The following ISOC2 variants were observed in gnomAD, a reference collection of about 807,000 sequenced individuals.
ISOC2 encodes the protein isochorismatase domain-containing protein 2.
ISOC2 carries 15 observed loss-of-function variants against 19.3 expected under a neutral mutation model. The observed-to-expected ratio is 0.78, with a 90% confidence interval of 0.52 to 1.20. The LOEUF is 1.20. Ranked by LOEUF, ISOC2 falls within the 50% of genes most tolerant of loss-of-function variation. The probability of loss-of-function intolerance (pLI) is 0.00; values close to 1 mark genes in which losing one functional copy is unlikely to be tolerated. For missense variants in ISOC2, 285 were observed against 272.4 expected, an observed-to-expected ratio of 1.05 and a Z score of -0.33; for synonymous variants, 106 against 115.8, an observed-to-expected ratio of 0.92 and a Z score of 0.54.
Position 55,453,179 on chromosome 19 carries a change from G to GCCCCCC in ISOC2, c.*123_*128dup, listed in dbSNP as rs3214450. ...CTGTCCAATGGGAAGGCAGCACCCTGCCCCCCCCACAAGGGGGCGGCACTC... is the reference window on the plus strand; with the variant it reads ...CTGTCCAATGGGAAGGCAGCACCCTGCCCCCCCCCCCCCCACAAGGGGGCGGCACTC... On this transcript the variant is annotated 3_prime_UTR_variant, in exon 6 of 6. Transcript: ENST00000425675. The GCCCCCC allele has an allele frequency of 1.9e-4, 104 of 539,556 alleles. No homozygotes were observed. The highest frequency in any genetic ancestry group is 2.7e-4 in the Non-Finnish European group (85 of 309,358). 33.4% of individuals were successfully genotyped at this position (539,556 alleles called of 1,614,324 possible).
chr19:55,455,242 A>G lies in ISOC2; in HGVS notation c.419+18T>C, dbSNP rs1193524654. ...TGATGGCCCCCACGTGCACCCACCCAGGCAGGGGCCCTCTCACCTGCGTGA... is the reference window on the plus strand; with the variant it reads ...TGATGGCCCCCACGTGCACCCACCCGGGCAGGGGCCCTCTCACCTGCGTGA... On this transcript the variant is annotated intron_variant, in intron 4 of 5. Coordinates refer to ENST00000425675, the MANE Select transcript of ISOC2 (RefSeq NM_001136201.2). 2.5e-6 allele frequency: 4 copies of G among 1,601,984 alleles called. No homozygotes were observed. In the African/African-American group the frequency reaches 5.4e-5, roughly 21 times the overall value.
chr19:55,453,698 T>C (rs1985948647), intron 5 of ISOC2: 3 of 206,650 alleles, frequency 1.5e-5, no homozygotes, highest in Non-Finnish European at 2.9e-5. Context: ...CCCATCCCTC[T>C]TCTGGGCCCT....
intron 1 of ISOC2, 44 bp from the exon 2 acceptor site, chr19:55,456,533 T>C (rs548397217): frequency 6.2e-7 from 1 of 1,602,688 alleles, no homozygotes; most frequent in Admixed American, 1.7e-5. Flanking sequence ...CGAGGGCTCC[T>C]CTCAGTGTCT....
At chr19:55,458,950 G>A (rs1986154171) in intron 1 of ISOC2, among the ~76,000 whole-genome samples, 1 of 151,554 alleles carries the variant, frequency 6.6e-6, no homozygotes, top group Non-Finnish European at 1.5e-5. Context: ...TTTTCTTTTT[G>A]AGACAGGGTC....
rs1375808897 is a variant in ISOC2, at chr19:55,456,489, T to C, written c.-3A>G. 5 of 1,613,572 alleles carry C rather than the reference T, an allele frequency of 3.1e-6. No homozygotes were observed. The highest frequency in any genetic ancestry group is 4.2e-6 in the Non-Finnish European group (5 of 1,179,726). ...AGGCTGGGCCTGGCAGCCGCCATTT[T>C]CTGGGGGTGGGCAGAGGGACGGTGG... On this transcript the variant is annotated splice_region_variant and 5_prime_UTR_variant, in exon 2 of 6. Transcript: ENST00000425675.
chr19:55,454,775 CCT>C (rs933500521), intron 5 of ISOC2: 24 of 523,780 alleles, frequency 4.6e-5, no homozygotes, highest in Admixed American at 1.5e-4. Context: ...CTCTGGATTG[CCT>C]CCCCCATTTT....
intron 2 of ISOC2, 189 bp from the exon 3 acceptor site, chr19:55,456,034 G>A (rs922539801): frequency 3.3e-6 from 2 of 601,746 alleles, no homozygotes; most frequent in African/African-American, 1.9e-5. Flanking sequence ...GGGAGGAGGA[G>A]CTGGGCCTGG....
In ISOC2 at chr19:55,453,128, A is replaced by G; in HGVS notation, c.*180T>C. ...AGCCAATTCCCACCCAGTTTCCAGG[A>G]GTCTCATTTGCATTTCCGGGAGCAG... On this transcript the variant is annotated 3_prime_UTR_variant, in exon 6 of 6. Transcript: ENST00000425675. 2 of 520,508 alleles carry G rather than the reference A, an allele frequency of 3.8e-6. No homozygotes were observed. Among genetic ancestry groups the G allele is most frequent in the Non-Finnish European group, 6.9e-6 (2 of 291,478 alleles). The allele number at this position is 520,508 out of a possible 1,614,324, so 32.2% of individuals were successfully genotyped here. A position where few individuals can be genotyped will look rare whatever the true frequency, so the allele number is the denominator to read the frequency against.
intron 2 of ISOC2, 24 bp from the exon 3 acceptor site, chr19:55,455,869 G>GGTCA: frequency 7.4e-7 from 1 of 1,356,678 alleles, no homozygotes; most frequent in Non-Finnish European, 9.7e-7. Context: ...GGGGAAGAAA[G>GGTCA]GTCAGGGTCT....
At chr19:55,461,187 C>A (rs1172664844) in intron 1 of ISOC2, among the ~76,000 whole-genome samples, 1 of 149,920 alleles carries the variant, frequency 6.7e-6, no homozygotes, top group Admixed American at 6.6e-5. Context: ...CGTTGATTTC[C>A]CCACCCGGTC....
At position 55,454,912 on chromosome 19, in the gene ISOC2, C is replaced by A. The variant is rs186626286; in HGVS notation, c.537+77G>T. 4.3e-5 allele frequency: 48 copies of A among 1,113,846 alleles called. No individual in the cohort carries two copies. The East Asian group carries it at 1.1e-3, about 25-fold the overall frequency. 69.0% of individuals were successfully genotyped at this position (1,113,846 alleles called of 1,614,324 possible). A position where few individuals can be genotyped will look rare whatever the true frequency, so the allele number is the denominator to read the frequency against. On this transcript the variant is annotated intron_variant, in intron 5 of 5. Coordinates refer to ENST00000425675, the MANE Select transcript of ISOC2 (RefSeq NM_001136201.2). ...CCTGGAGGCGGCAGCCTGCTGGTGC[C>A]GAGATGTATTCTCAGAGCCCAAAGA...
rs375044372 is a variant in ISOC2, at chr19:55,455,010, G to A, written c.516C>T (p.Ala172=). The change falls in exon 5 of 6, where the codon GCC becomes GCT. Residue 172 remains alanine (A), a synonymous_variant. Transcript: ENST00000425675. ...EGLILQLVGD[A]VHPQFKEIQK... ...TTACCTCCTTGAACTGGGGGTGGAC[G>A]GCATCGCCCACAAGCTGCAGAATGA... is the stretch of plus-strand genomic sequence containing the variant. 6.8e-5 allele frequency: 110 copies of A among 1,613,230 alleles called. No individual in the cohort carries two copies. The highest frequency in any genetic ancestry group is 8.7e-5 in the Non-Finnish European group (103 of 1,179,786).
In ISOC2 at chr19:55,455,826, A is replaced by G; in HGVS notation, c.158T>C (p.Val53Ala). ...RMLKVARLLEVPVMLTEQYPQ... is the reference protein window; with the variant it reads ...RMLKVARLLEAPVMLTEQYPQ... The stretch of plus-strand genomic sequence containing the variant: ...GTACTGCTCCGTCAGCATGACTGGC[A>G]CCTCAAGCAGCCGGGCCACCTGTGC... The change falls in exon 3 of 6, where the codon GTG becomes GCG. Residue 53 changes from valine (V) to alanine (A), a missense_variant. Physicochemically the swap from Val to Ala is moderately conservative, Grantham distance 64 (BLOSUM62 0). Coordinates refer to ENST00000425675, the MANE Select transcript of ISOC2 (RefSeq NM_001136201.2). 1 of 1,539,248 alleles carries G rather than the reference A, an allele frequency of 6.5e-7. No individual in the cohort carries two copies. The highest frequency in any genetic ancestry group is 8.8e-7 in the Non-Finnish European group (1 of 1,139,880).
At chr19:55,456,055 C>T in intron 2 of ISOC2, 1 of 588,116 alleles carries the variant, frequency 1.7e-6, no homozygotes, top group Non-Finnish European at 3.0e-6. Flanking sequence ...ACTCCTGCGT[C>T]TGAGGGAAGA....
chr19:55,457,572 T>C (rs1041312654), intron 1 of ISOC2, among the ~76,000 whole-genome samples: 1 of 151,560 alleles, frequency 6.6e-6, no homozygotes, highest in African/African-American at 2.4e-5. Context: ...CACACGCCTG[T>C]AATCCCAGGA....
At position 55,455,051 on chromosome 19, in the gene ISOC2, A is replaced by G. The variant is rs756538536; in HGVS notation, c.475T>C (p.Ser159Pro). 6.2e-7 allele frequency: 1 copy of G among 1,605,216 alleles called. No individual in the cohort carries two copies. Among genetic ancestry groups the G allele is most frequent in the African/African-American group, 1.3e-5 (1 of 74,206 alleles). ...TGCAGAATGAGCCCTTCGCTGGTGG[A>G]GAGGAAGGCACCACTCTGTCTCATG... ...ARMRQSGAFL[S>P]TSEGLILQLV... The change falls in exon 5 of 6, where the codon TCC (serine) becomes CCC (proline). Residue 159 changes from serine to proline, a missense_variant. Physicochemically the swap from Ser to Pro is moderately conservative, Grantham distance 74. Coordinates refer to ENST00000425675, the MANE Select transcript of ISOC2 (RefSeq NM_001136201.2).
At chr19:55,458,765 A>AT (rs1986147225) in intron 1 of ISOC2, among the ~76,000 whole-genome samples, 1 of 151,458 alleles carries the variant, frequency 6.6e-6, no homozygotes, top group South Asian at 2.1e-4. Context: ...TGACCTCGTG[A>AT]TCCACCCGCC....
intron 1 of ISOC2, among the ~76,000 whole-genome samples, chr19:55,457,831 C>CA (rs58948220): frequency 0.53 from 64,941 of 122,148 alleles, 17,809 homozygotes; most frequent in African/African-American, 0.73. Flanking sequence ...AACTCCATCT[C>CA]AAAAAAAAAA....
chr19:55,457,581 G>A (rs1403717061), intron 1 of ISOC2, among the ~76,000 whole-genome samples: 1 of 148,656 alleles, frequency 6.7e-6, no homozygotes, highest in African/African-American at 2.5e-5. Context: ...GTAATCCCAG[G>A]ACTTTGGGAG....
Sources: gnomAD v4.1 joint callset for allele counts (sites outside exome capture counted in the v4.1 genomes callset) on GRCh38, gnomAD v4.1.1 for gene constraint, MANE v1.5 for transcripts, NCBI Gene and HGNC (gene_info 2026-07-23, HGNC 2026-07-21) for gene names.